Variants in FILIP1 observed in about 807,000 individuals in gnomAD.
FILIP1 encodes the protein filamin-A-interacting protein 1.
A neutral mutation model predicts 102.1 loss-of-function variants in FILIP1; 61 were observed. The ratio of observed to expected loss-of-function variants is 0.60; its 90% CI spans 0.49 to 0.74. The LOEUF is 0.74. FILIP1 is among the 30% of genes least tolerant of loss of function. The pLI, the probability that FILIP1 is intolerant of heterozygous loss-of-function variation, is 0.00. For synonymous variants in FILIP1, 491 were observed against 526.9 expected (o/e 0.93, Z 0.93); for missense variants, 1,314 against 1,441.2 (o/e 0.91, Z 1.43).
intron 4 of FILIP1, among the ~76,000 whole-genome samples, chr6:75,326,237 G>GTAAT (rs1773860115): frequency 6.6e-6 from 1 of 152,046 alleles, no homozygotes. Context: ...TCTAAGTGAA[G>GTAAT]TAATTAAGGA....
chr6:75,324,508 T>C (rs1035264644), intron 4 of FILIP1, among the ~76,000 whole-genome samples: 1 of 152,138 alleles, frequency 6.6e-6, no homozygotes, highest in Non-Finnish European at 1.5e-5. Context: ...AAAATAACCA[T>C]ACTGCCAAAG....
intron 4 of FILIP1, among the ~76,000 whole-genome samples, chr6:75,331,855 AC>A (rs1774096072): frequency 6.6e-6 from 1 of 151,788 alleles, no homozygotes; most frequent in Non-Finnish European, 1.5e-5. Flanking sequence ...TAAAACCCTA[AC>A]CCCCCATGCG....
rs1773451724 is a variant in FILIP1 at position 75,316,478 on chromosome 6, T to C, written c.630-1276A>G. Among the ~76,000 whole-genome samples the C allele has an allele frequency of 5.3e-5, 8 of 151,998 alleles. No individual in the cohort carries two copies. The South Asian group carries it at 1.7e-3, about 32-fold the overall frequency. The stretch of plus-strand genomic sequence containing the variant: ...TTTAATAGTCTCTCATTGCATTGTG[T>C]AAGAAATATTTGTGTGTTTTTTTTT... On this transcript the variant is annotated intron_variant, in intron 4 of 5. Coordinates refer to ENST00000237172, the MANE Select transcript of FILIP1 (RefSeq NM_015687.5).
chr6:75,444,467 AT>A (rs565143543), intron 1 of FILIP1, among the ~76,000 whole-genome samples: 449 of 151,910 alleles, frequency 3.0e-3, no homozygotes, highest in African/African-American at 0.01. Context: ...TTTGTTATAA[AT>A]TTTTTTTTCT....
At chr6:75,363,541 G>T (rs908571569) in intron 2 of FILIP1, among the ~76,000 whole-genome samples, 1 of 80,998 alleles carries the variant, frequency 1.2e-5, no homozygotes, top group African/African-American at 4.5e-5. Context: ...ACATCAGACT[G>T]TCAGTTAGAT....
chr6:75,414,577 G>GGGAAACATT, intron 2 of FILIP1, 120 bp downstream of exon 2: 1 of 949,106 alleles, frequency 1.1e-6, no homozygotes, highest in Non-Finnish European at 1.6e-6. Flanking sequence ...TTAGAAATAA[G>GGGAAACATT]GGAAACATTC....
At chr6:75,409,463 AC>A (rs1439511806) in intron 2 of FILIP1, among the ~76,000 whole-genome samples, 1 of 151,822 alleles carries the variant, frequency 6.6e-6, no homozygotes, top group East Asian at 1.9e-4. Context: ...GACCTCACTC[AC>A]TCCTGGGTAT....
intron 2 of FILIP1, among the ~76,000 whole-genome samples, chr6:75,373,074 A>G (rs941784568): frequency 6.6e-6 from 1 of 152,250 alleles, no homozygotes; most frequent in African/African-American, 2.4e-5. Context: ...AATATGGTAC[A>G]TACATACAAT....
Position 75,326,012 on chromosome 6 carries a change from C to T in FILIP1, c.630-10810G>A, listed in dbSNP as rs117411714. 2.0e-5 allele frequency among the ~76,000 whole-genome samples: 3 copies of T among 151,926 alleles called. No individual in the cohort carries two copies. In the East Asian group the frequency reaches 5.8e-4, roughly 29 times the overall value. On this transcript the variant is annotated intron_variant, in intron 4 of 5. Coordinates refer to ENST00000237172, the MANE Select transcript of FILIP1 (RefSeq NM_015687.5). ...CAAAAATATGAAACCAGCCTGAATG[C>T]CCATCAACCAACGAGTGGATAAAAG...
At chr6:75,489,803 T>C (rs1339936487) in intron 1 of FILIP1, among the ~76,000 whole-genome samples, 1 of 152,120 alleles carries the variant, frequency 6.6e-6, no homozygotes, top group East Asian at 1.9e-4. Flanking sequence ...TTATCTTTTT[T>C]CTATTTATTG....
At chr6:75,319,468 CT>C in intron 4 of FILIP1, 2 of 604,868 alleles carry the variant, frequency 3.3e-6, no homozygotes, top group South Asian at 1.4e-5. Flanking sequence ...CCTTGTCCGC[CT>C]TTGCCATATC....
At position 75,312,349 on chromosome 6, in the gene FILIP1, C is replaced by T. The variant is rs202216440; in HGVS notation, c.3435+48G>A. 383 of 1,561,044 alleles carry T rather than the reference C, an allele frequency of 2.5e-4. 2 individuals carry two copies. The African/African-American group carries it at 4.5e-3, about 18-fold the overall frequency. On this transcript the variant is annotated intron_variant, in intron 5 of 5. Coordinates refer to ENST00000237172, the MANE Select transcript of FILIP1 (RefSeq NM_015687.5). ...GGGTGCTGGGTAGTCTCACTACTCA[C>T]GTCTCCCTCCCTCTGCAGGCCTGCG... is the stretch of plus-strand genomic sequence containing the variant.
At chr6:75,453,909 G>T (rs1249462887) in intron 1 of FILIP1, 4 of 455,300 alleles carry the variant, frequency 8.8e-6, no homozygotes, top group Admixed American at 2.4e-5. Context: ...AACAATGATG[G>T]TGCCACTAAT....
intron 1 of FILIP1, among the ~76,000 whole-genome samples, chr6:75,457,868 A>C (rs1445899438): frequency 6.6e-6 from 1 of 152,202 alleles, no homozygotes; most frequent in Non-Finnish European, 1.5e-5. Flanking sequence ...AATTATTCTA[A>C]TATGGAAAAC....
At chr6:75,457,186 A>G (rs1022679701) in intron 1 of FILIP1, among the ~76,000 whole-genome samples, 3 of 152,210 alleles carry the variant, frequency 2.0e-5, no homozygotes, top group African/African-American at 4.8e-5. Flanking sequence ...AGCAAGTACC[A>G]GTGGAAATAA....
At chr6:75,360,964 G>A (rs1775155841) in intron 3 of FILIP1, 1 of 151,898 alleles carries the variant, frequency 6.6e-6, no homozygotes, top group African/African-American at 2.4e-5. Context: ...GACCCAAAAT[G>A]TGTAAGTGGT....
In FILIP1 at chr6:75,313,771, T is replaced by C; in HGVS notation, c.2061A>G (p.Gln687=). The C allele has an allele frequency of 6.3e-7, 1 of 1,599,606 alleles. No homozygotes were observed. The highest frequency in any genetic ancestry group is 8.5e-7 in the Non-Finnish European group (1 of 1,175,042). The change falls in exon 5 of 6, where the codon CAA becomes CAG. Residue 687 remains glutamine (Q), a synonymous_variant. Coordinates refer to ENST00000237172, the MANE Select transcript of FILIP1 (RefSeq NM_015687.5). This position sits in a 1 kb window ranked among gnomAD's most constrained non-coding sequence, Gnocchi z 4.2. ...TCTCTATTGCTTTATTCTTGGCAAT[T>C]TGGTGCTTGATCTCCTCTAGTTGTT... ...LSQQLEEIKH[Q]IAKNKAIEKG...
At chr6:75,385,320 A>G (rs1776053656) in intron 2 of FILIP1, among the ~76,000 whole-genome samples, 1 of 152,126 alleles carries the variant, frequency 6.6e-6, no homozygotes, top group Admixed American at 6.5e-5. Context: ...TGAAATGAGC[A>G]ATTTTTGGCA....
At chr6:75,401,978 T>C (rs1776674878) in intron 2 of FILIP1, among the ~76,000 whole-genome samples, 1 of 152,214 alleles carries the variant, frequency 6.6e-6, no homozygotes, top group Non-Finnish European at 1.5e-5. Context: ...GAGGAAAATG[T>C]AGGCTGCAGC....
Sources: allele counts gnomAD v4.1 joint callset (sites outside exome capture counted in the v4.1 genomes callset), GRCh38; gene constraint gnomAD v4.1.1; non-coding constraint Gnocchi (gnomAD v3.1); transcripts MANE v1.5; gene names NCBI Gene and HGNC (gene_info 2026-07-23, HGNC 2026-07-21).